PCDH7: variants seen among roughly 807,000 people sequenced by gnomAD.
The protein encoded by PCDH7 is protocadherin 7.
PCDH7 carries 17 observed loss-of-function variants against 58.9 expected under a neutral mutation model. That is an observed-to-expected ratio of 0.29 (90% CI 0.20 to 0.43). The LOEUF is 0.43. PCDH7 is among the 20% of genes least tolerant of loss of function. The probability of loss-of-function intolerance (pLI) is 1.00; values close to 1 mark genes in which losing one functional copy is unlikely to be tolerated. For missense variants in PCDH7, 1,274 were observed against 1,441.0 expected, an observed-to-expected ratio of 0.88 and a Z score of 1.88; for synonymous variants, 664 against 616.4, an observed-to-expected ratio of 1.08 and a Z score of -1.14.
At chr4:31,071,475 C>G (rs1270297454) in intron 3 of PCDH7, among the ~76,000 whole-genome samples, 1 of 151,964 alleles carries the variant, frequency 6.6e-6, no homozygotes, top group Admixed American at 6.6e-5. Flanking sequence ...TAACGTTGAA[C>G]ATATATTTGA....
At chr4:30,810,685 C>A (rs1376726446) in intron 1 of PCDH7, among the ~76,000 whole-genome samples, 1 of 150,376 alleles carries the variant, frequency 6.6e-6, no homozygotes, top group Non-Finnish European at 1.5e-5. Flanking sequence ...AATCTCTGCT[C>A]ACTGCAACCT....
At chr4:30,796,972 T>C (rs1309273731) in intron 1 of PCDH7, among the ~76,000 whole-genome samples, 3 of 152,062 alleles carry the variant, frequency 2.0e-5, no homozygotes, top group Non-Finnish European at 2.9e-5. Context: ...TCTTTTTCTT[T>C]TTTTTTTAAA....
At chr4:30,932,682 A>G (rs941792031) in intron 2 of PCDH7, among the ~76,000 whole-genome samples, 8 of 152,174 alleles carry the variant, frequency 5.3e-5, no homozygotes, top group Non-Finnish European at 1.5e-5. Context: ...TAAATGTGGT[A>G]TGTGACAAGA....
intron 1 of PCDH7, among the ~76,000 whole-genome samples, chr4:30,782,829 G>A (rs1057339622): frequency 6.6e-6 from 1 of 152,144 alleles, no homozygotes; most frequent in African/African-American, 2.4e-5. Context: ...TCAAAGATAA[G>A]GATGTTCCTT....
intron 1 of PCDH7, among the ~76,000 whole-genome samples, chr4:30,746,057 G>C (rs1350049876): frequency 1.3e-5 from 2 of 151,968 alleles, no homozygotes; most frequent in Non-Finnish European, 2.9e-5. Flanking sequence ...TTGAACTCCT[G>C]ACCTCAAGTG....
chr4:31,082,972 G>A (rs2109272002), intron 3 of PCDH7, among the ~76,000 whole-genome samples: 1 of 152,214 alleles, frequency 6.6e-6, no homozygotes, highest in East Asian at 1.9e-4. Context: ...GCTGGGTGTG[G>A]TGGTGGGCAC....
At chr4:31,062,704 T>C (rs1160695236) in intron 3 of PCDH7, among the ~76,000 whole-genome samples, 1 of 151,870 alleles carries the variant, frequency 6.6e-6, no homozygotes, top group Non-Finnish European at 1.5e-5. Context: ...CAGGGTCATT[T>C]TGTCAAAATG....
intron 3 of PCDH7, among the ~76,000 whole-genome samples, chr4:31,013,840 G>A (rs1753402193): frequency 6.6e-6 from 1 of 152,038 alleles, no homozygotes; most frequent in Admixed American, 6.6e-5. Context: ...AAATGTTCCT[G>A]TCACATAGAA....
chr4:30,748,572 C>T (rs1165401712), intron 1 of PCDH7, among the ~76,000 whole-genome samples: 3 of 152,138 alleles, frequency 2.0e-5, no homozygotes, highest in African/African-American at 4.8e-5. Context: ...GCATTAATCT[C>T]TTTGTGAGAT....
chr4:30,776,790 C>A (rs776941461), intron 1 of PCDH7, among the ~76,000 whole-genome samples: 2 of 151,582 alleles, frequency 1.3e-5, no homozygotes, highest in East Asian at 3.9e-4. Context: ...GGCTTAACAC[C>A]ATTTGAGTAT....
At chr4:30,784,369 T>G (rs1723147109) in intron 1 of PCDH7, among the ~76,000 whole-genome samples, 1 of 152,190 alleles carries the variant, frequency 6.6e-6, no homozygotes, top group Non-Finnish European at 1.5e-5. Flanking sequence ...AGTACACCAT[T>G]GCATTTGTTG....
intron 1 of PCDH7, among the ~76,000 whole-genome samples, chr4:30,809,595 A>G (rs1726715627): frequency 6.6e-6 from 1 of 152,194 alleles, no homozygotes; most frequent in Non-Finnish European, 1.5e-5. Flanking sequence ...GACAACAATG[A>G]TTGTCCACCT....
At chr4:30,937,764 G>A (rs1281923979) in intron 2 of PCDH7, among the ~76,000 whole-genome samples, 4 of 151,780 alleles carry the variant, frequency 2.6e-5, no homozygotes, top group Non-Finnish European at 4.4e-5. Flanking sequence ...TTAAAATATT[G>A]TAAATTTCCT....
At chr4:31,023,351 A>G (rs760081214) in intron 3 of PCDH7, among the ~76,000 whole-genome samples, 12 of 152,132 alleles carry the variant, frequency 7.9e-5, no homozygotes, top group Non-Finnish European at 1.3e-4. Context: ...TTTATATTTC[A>G]CTATCCCTAT....
At chr4:30,922,296 A>G (rs182888712) in intron 2 of PCDH7, among the ~76,000 whole-genome samples, 60 of 152,098 alleles carry the variant, frequency 3.9e-4, no homozygotes, top group African/African-American at 1.2e-3. Flanking sequence ...TTACCTGTTC[A>G]TGAGAACATA....
chr4:30,734,357 C>T (rs112888308), downstream of PCDH7, among the ~76,000 whole-genome samples: 555 of 151,934 alleles, frequency 3.7e-3, 7 homozygotes, highest in African/African-American at 0.013. Context: ...CTCAGCCTCC[C>T]AAGTAGCTGT....
chr4:30,972,702 C>G (rs1749700054), intron 3 of PCDH7, among the ~76,000 whole-genome samples: 1 of 152,142 alleles, frequency 6.6e-6, no homozygotes, highest in Non-Finnish European at 1.5e-5. Context: ...ACTGACCTCA[C>G]CCACATCGCC....
At chr4:30,908,331 G>A (rs1028106544) in intron 1 of PCDH7, among the ~76,000 whole-genome samples, 1 of 151,652 alleles carries the variant, frequency 6.6e-6, no homozygotes, top group Non-Finnish European at 1.5e-5. Context: ...ATTAAAAATT[G>A]CAATGAAGAA....
At chr4:30,765,204 A>G (rs952239705) in intron 1 of PCDH7, among the ~76,000 whole-genome samples, 1 of 132,576 alleles carries the variant, frequency 7.5e-6, no homozygotes, top group Non-Finnish European at 1.5e-5. Flanking sequence ...TTTCCTGCAC[A>G]TTGTTCCTGA....
Sources: gnomAD v4.1 joint callset for allele counts (sites outside exome capture counted in the v4.1 genomes callset) on GRCh38, gnomAD v4.1.1 for gene constraint, MANE v1.5 for transcripts, NCBI Gene and HGNC (gene_info 2026-07-23, HGNC 2026-07-21) for gene names.